SRRM4: variants seen among roughly 807,000 people sequenced by gnomAD.
SRRM4 encodes serine/arginine repetitive matrix protein 4.
In SRRM4, 33 loss-of-function variants were observed where a neutral mutation model predicts 68.9. That is an observed-to-expected ratio of 0.48 (90% CI 0.36 to 0.64). The LOEUF is 0.64. Ranked by LOEUF, SRRM4 falls within the 30% of genes least tolerant of loss-of-function variation. SRRM4 has a pLI of 0.00. For synonymous variants in SRRM4, 318 were observed against 318.8 expected (o/e 1.00, Z 0.03); for missense variants, 817 against 827.1 (o/e 0.99, Z 0.15).
chr12:119,088,119 T>C (rs1019985404), intron 1 of SRRM4, among the ~76,000 whole-genome samples: 1 of 152,168 alleles, frequency 6.6e-6, no homozygotes, highest in Non-Finnish European at 1.5e-5. Context: ...TGTTGGGAGA[T>C]GACAGCTCTC....
intron 1 of SRRM4, among the ~76,000 whole-genome samples, chr12:119,038,735 A>C (rs574683954): frequency 6.6e-6 from 1 of 151,948 alleles, no homozygotes; most frequent in Non-Finnish European, 1.5e-5. Context: ...TCATGTCTTC[A>C]TGGGGTGCTA....
chr12:119,052,384 T>C (rs1002868644), intron 1 of SRRM4, among the ~76,000 whole-genome samples: 2 of 152,196 alleles, frequency 1.3e-5, no homozygotes, highest in Non-Finnish European at 2.9e-5. Context: ...TCCAATTTAG[T>C]GTTTCCAAGA....
chr12:119,114,828 C>A lies in SRRM4; in HGVS notation c.365+464C>A, dbSNP rs186864309. Among the ~76,000 whole-genome samples, 1,179 of 151,872 alleles carry A rather than the reference C, an allele frequency of 7.8e-3. 54 individuals are homozygous for A. Among genetic ancestry groups the A allele is most frequent in the Admixed American group, 0.066 (1,002 of 15,232 alleles). ...TACAGGCGCCCGCCACCACGCCAGG[C>A]TAATTTTTTGTATTTTTAGTAGAGA... On this transcript the variant is annotated intron_variant, in intron 3 of 12. Transcript: ENST00000267260.
chr12:119,137,972 C>T (rs1360746603), intron 8 of SRRM4, among the ~76,000 whole-genome samples: 1 of 151,804 alleles, frequency 6.6e-6, no homozygotes, highest in Non-Finnish European at 1.5e-5. Flanking sequence ...GTTTATGTTA[C>T]TCACAGAGGG....
chr12:119,143,149 G>C (rs1402314288), intron 8 of SRRM4, among the ~76,000 whole-genome samples: 1 of 152,134 alleles, frequency 6.6e-6, no homozygotes, highest in African/African-American at 2.4e-5. Context: ...AGGAATTCCT[G>C]CCTCCCCAGC....
rs1953782892 is a variant in SRRM4 at position 119,057,313 on chromosome 12, G to T, written c.132-44923G>T. Among the ~76,000 whole-genome samples, 3 of 152,254 alleles carry T rather than the reference G, an allele frequency of 2.0e-5. No individual in the cohort carries two copies. In the South Asian group the frequency reaches 6.2e-4, roughly 32 times the overall value. On this transcript the variant is annotated intron_variant, in intron 1 of 12. Coordinates refer to ENST00000267260, the MANE Select transcript of SRRM4 (RefSeq NM_194286.4). ...ACCTAGGTATTAACCCCAGTGCCCA[G>T]CATCCACTAGCTATTCTTCCTGATG... is the stretch of plus-strand genomic sequence containing the variant.
chr12:119,004,288 G>T (rs2135994666), intron 1 of SRRM4, among the ~76,000 whole-genome samples: 1 of 152,112 alleles, frequency 6.6e-6, no homozygotes, highest in East Asian at 2.0e-4. Context: ...TCCCTTTAGG[G>T]TCACAACCAT....
At chr12:119,104,812 C>CT (rs570610139) in intron 2 of SRRM4, among the ~76,000 whole-genome samples, 3,275 of 148,772 alleles carry the variant, frequency 0.022, 58 homozygotes, top group African/African-American at 0.044. Flanking sequence ...TTAACCACTG[C>CT]TTTTTTTTTT....
chr12:119,066,292 A>G (rs977330224), intron 1 of SRRM4, among the ~76,000 whole-genome samples: 3 of 151,880 alleles, frequency 2.0e-5, no homozygotes, highest in Non-Finnish European at 4.4e-5. Flanking sequence ...ACAAACTCAC[A>G]GTGTTGACAT....
chr12:119,107,796 G>A (rs1443981427), intron 2 of SRRM4, among the ~76,000 whole-genome samples: 1 of 152,018 alleles, frequency 6.6e-6, no homozygotes, highest in Admixed American at 6.6e-5. Flanking sequence ...TTTTTTGAAG[G>A]GTTTTTTGTG....
intron 1 of SRRM4, among the ~76,000 whole-genome samples, chr12:119,031,627 T>A (rs538421795): frequency 5.9e-5 from 9 of 152,314 alleles, no homozygotes; most frequent in African/African-American, 2.2e-4. Context: ...CATAAGTTAG[T>A]CTTCCCTCTA....
chr12:119,080,738 C>T (rs1439519823), intron 1 of SRRM4, among the ~76,000 whole-genome samples: 1 of 152,238 alleles, frequency 6.6e-6, no homozygotes, highest in African/African-American at 2.4e-5. Context: ...TCTCAGCTAT[C>T]TCTCAGAGCG....
intron 8 of SRRM4, among the ~76,000 whole-genome samples, chr12:119,144,366 A>G (rs1954387389): frequency 6.6e-6 from 1 of 152,184 alleles, no homozygotes; most frequent in Admixed American, 6.5e-5. Context: ...AAACCAAAAC[A>G]GAATTGATGC....
chr12:119,005,244 G>A lies in SRRM4; in HGVS notation c.131+23231G>A, dbSNP rs529371358. Among the ~76,000 whole-genome samples the A allele has an allele frequency of 4.6e-5, 7 of 152,294 alleles. No homozygotes were observed. The South Asian group carries it at 1.0e-3, about 23-fold the overall frequency. ...AGGATGGATTCTAGTCTGTCAAAAC[G>A]GAAGGGGCCCCATTTTATAGACAGG... On this transcript the variant is annotated intron_variant, in intron 1 of 12. Coordinates refer to ENST00000267260, the MANE Select transcript of SRRM4 (RefSeq NM_194286.4).
chr12:119,140,377 C>CAAAAAA (rs368797079), intron 8 of SRRM4, among the ~76,000 whole-genome samples: 1 of 141,242 alleles, frequency 7.1e-6, no homozygotes, highest in East Asian at 2.2e-4. Flanking sequence ...GACTCTGTCT[C>CAAAAAA]AAAAAAAAAA....
rs56888276 is a variant in SRRM4, at chr12:119,066,391, G to A, written c.132-35845G>A. Among the ~76,000 whole-genome samples the A allele has an allele frequency of 8.8e-3, 1,346 of 152,298 alleles. 22 individuals are homozygous for A. Among genetic ancestry groups the A allele is most frequent in the African/African-American group, 0.031 (1,277 of 41,566 alleles). On this transcript the variant is annotated intron_variant, in intron 1 of 12. Transcript: ENST00000267260. ...TAAAGAGGGAAAGAAACTGGATTCA[G>A]CTCTCAGTGAATGTGGTTGCAAATT...
chr12:119,149,002 G>A (rs1438494708), intron 9 of SRRM4, among the ~76,000 whole-genome samples: 1 of 152,172 alleles, frequency 6.6e-6, no homozygotes, highest in Non-Finnish European at 1.5e-5. Context: ...GCTCTGGGTG[G>A]TTTTGAGGAA....
chr12:119,131,791 G>T (rs7301936), intron 8 of SRRM4, among the ~76,000 whole-genome samples: 1 of 151,982 alleles, frequency 6.6e-6, no homozygotes. Flanking sequence ...AGAGACAGAC[G>T]AACAGGAAGA....
chr12:119,153,465 T>A, intron 10 of SRRM4, 74 bp from the exon 11 acceptor site: 1 of 1,016,170 alleles, frequency 9.8e-7, no homozygotes, highest in Non-Finnish European at 1.5e-6. Context: ...ACCCGCTGAA[T>A]AAAGCTCAAG....
Sources: gnomAD v4.1 joint callset for allele counts (sites outside exome capture counted in the v4.1 genomes callset) on GRCh38, gnomAD v4.1.1 for gene constraint, MANE v1.5 for transcripts, NCBI Gene and HGNC (gene_info 2026-07-23, HGNC 2026-07-21) for gene names.